Variants in CREBRF observed in about 807,000 individuals in gnomAD.
The protein encoded by CREBRF is UPF0474 protein C5orf41.
CREBRF carries 5 observed loss-of-function variants against 66.1 expected under a neutral mutation model. The observed-to-expected ratio is 0.08, with a 90% CI of 0.04 to 0.16. The LOEUF (loss-of-function observed/expected upper bound fraction) is 0.16. CREBRF is among the 10% of genes least tolerant of loss of function. CREBRF has a pLI of 1.00. For synonymous variants in CREBRF, 229 were observed against 264.4 expected, an observed-to-expected ratio of 0.87 and a Z score of 1.30; for missense variants, 531 against 744.9, an observed-to-expected ratio of 0.71 and a Z score of 3.34.
At chr5:173,061,167 T>C (rs931653693) in intron 1 of CREBRF, among the ~76,000 whole-genome samples, 1 of 152,106 alleles carries the variant, frequency 6.6e-6, no homozygotes, top group African/African-American at 2.4e-5. Flanking sequence ...GGGGTTTCAC[T>C]GTGTTGGCCA....
chr5:173,098,878 CTTT>C (rs543027649), intron 4 of CREBRF, among the ~76,000 whole-genome samples: 4 of 136,796 alleles, frequency 2.9e-5, no homozygotes, highest in Admixed American at 7.4e-5. Flanking sequence ...TATTTTTTTA[CTTT>C]TTTTTTTTTT....
Position 173,133,617 on chromosome 5 carries a change from T to C in CREBRF, c.1805-13T>C. The C allele has an allele frequency of 1.3e-6, 2 of 1,518,314 alleles. No homozygotes were observed. Among genetic ancestry groups the C allele is most frequent in the Non-Finnish European group, 1.8e-6 (2 of 1,096,812 alleles). 94.1% of individuals were successfully genotyped at this position (1,518,314 alleles called of 1,614,324 possible). ...TTTTTGTGTCTAGATGTGCCTTTTA[T>C]TCTTCTCTTCAGGTCTACCAGTTGC... is the stretch of plus-strand genomic sequence containing the variant. On this transcript the variant is annotated splice_polypyrimidine_tract_variant and intron_variant, in intron 8 of 8. Coordinates refer to ENST00000296953, the MANE Select transcript of CREBRF (RefSeq NM_153607.3).
intron 4 of CREBRF, among the ~76,000 whole-genome samples, chr5:173,099,549 T>C (rs981258357): frequency 1.3e-5 from 2 of 152,242 alleles, no homozygotes; most frequent in Non-Finnish European, 2.9e-5. Context: ...ATCATTTTAC[T>C]GGGTATTGAT....
intron 1 of CREBRF, among the ~76,000 whole-genome samples, chr5:173,056,893 C>CGGGAG (rs1224608700): frequency 2.0e-5 from 2 of 101,268 alleles, no homozygotes; most frequent in East Asian, 3.1e-4. Flanking sequence ...GGGAGGGGCC[C>CGGGAG]GGGAGGGGAG....
At chr5:173,069,029 GCCACTGCACTC>G (rs1302037065) in intron 1 of CREBRF, among the ~76,000 whole-genome samples, 1 of 151,516 alleles carries the variant, frequency 6.6e-6, no homozygotes. Context: ...CTGAGATCAC[GCCACTGCACTC>G]CAGCCTGGGC....
intron 4 of CREBRF, among the ~76,000 whole-genome samples, chr5:173,096,482 G>C (rs1250293779): frequency 1.1e-5 from 1 of 89,206 alleles, no homozygotes; most frequent in Admixed American, 1.8e-4. Context: ...TCCCCTTTCT[G>C]TGTCCAGTCC....
chr5:173,076,326 T>A (rs2246090), intron 1 of CREBRF, among the ~76,000 whole-genome samples: 73,635 of 151,672 alleles, frequency 0.49, 18,973 homozygotes, highest in Non-Finnish European at 0.58. Flanking sequence ...TAGGATGGCA[T>A]TTAAATTTCA....
At chr5:173,132,983 A>T (rs1759511500) in intron 8 of CREBRF, among the ~76,000 whole-genome samples, 1 of 152,132 alleles carries the variant, frequency 6.6e-6, no homozygotes, top group Non-Finnish European at 1.5e-5. Flanking sequence ...TAATACTTAA[A>T]AAAATGTACT....
At position 173,090,838 on chromosome 5, in the gene CREBRF, A is replaced by T. The variant is rs115690642; in HGVS notation, c.659A>T (p.Tyr220Phe). 1.4e-5 allele frequency: 22 copies of T among 1,614,228 alleles called. No homozygotes were observed. The East Asian group carries it at 3.8e-4, about 28-fold the overall frequency. The change falls in exon 4 of 9, where the codon TAT (tyrosine) becomes TTT (phenylalanine). Residue 220 changes from tyrosine to phenylalanine, a missense_variant. Transcript: ENST00000296953. This position sits in a 1 kb window ranked among gnomAD's most constrained non-coding sequence, Gnocchi z 4.5. Reference protein sequence around the residue: ...STQIMVKTNMYHNEKVNFHVE... With the variant: ...STQIMVKTNMFHNEKVNFHVE... Reference sequence around the variant, plus strand: ...CAAATCATGGTGAAGACCAACATGTATCATAATGAAAAGGTGAACTTTCAT... The same window carrying T: ...CAAATCATGGTGAAGACCAACATGTTTCATAATGAAAAGGTGAACTTTCAT...
In CREBRF at chr5:173,138,417, C is replaced by G. The variant is rs1189354746; in HGVS notation, c.*4672C>G. On this transcript the variant is annotated 3_prime_UTR_variant, in exon 9 of 9. Coordinates refer to ENST00000296953, the MANE Select transcript of CREBRF (RefSeq NM_153607.3). ...TCATGCTTAATAAACTGACTGAAAT[C>G]GTAGAAATTACACCTAGGAACTGAG... The G allele has an allele frequency of 6.6e-6, 1 of 152,080 alleles. No individual in the cohort carries two copies. Among genetic ancestry groups the G allele is most frequent in the Non-Finnish European group, 1.5e-5 (1 of 68,002 alleles). The allele number at this position is 152,080 out of a possible 1,614,324, so 9.4% of individuals were successfully genotyped here.
chr5:173,104,289 C>G (rs1241203951), intron 4 of CREBRF, among the ~76,000 whole-genome samples: 1 of 152,106 alleles, frequency 6.6e-6, no homozygotes, highest in Non-Finnish European at 1.5e-5. Flanking sequence ...TCTTCAGAAT[C>G]TAGTTTGAGA....
chr5:173,092,981 A>G (rs1758387573), intron 4 of CREBRF, among the ~76,000 whole-genome samples: 1 of 152,220 alleles, frequency 6.6e-6, no homozygotes, highest in African/African-American at 2.4e-5. Flanking sequence ...ATCTGCTTTG[A>G]GATATTTCAA....
chr5:173,131,754 A>G (rs1395816099), intron 8 of CREBRF, among the ~76,000 whole-genome samples: 1 of 151,882 alleles, frequency 6.6e-6, no homozygotes, highest in Non-Finnish European at 1.5e-5. Context: ...GTTTTTGGAG[A>G]CGGAGTCTTG....
intron 1 of CREBRF, among the ~76,000 whole-genome samples, chr5:173,060,622 C>T (rs1386155805): frequency 6.6e-6 from 1 of 152,038 alleles, no homozygotes; most frequent in Non-Finnish European, 1.5e-5. Context: ...CTGACACTTT[C>T]ACCATATTCA....
At chr5:173,127,951 T>G (rs1223382176) in intron 8 of CREBRF, among the ~76,000 whole-genome samples, 1 of 152,184 alleles carries the variant, frequency 6.6e-6, no homozygotes, top group Non-Finnish European at 1.5e-5. Flanking sequence ...ATTTATTATT[T>G]TGTGTCTGTT....
At position 173,139,257 on chromosome 5, in the gene CREBRF, T is replaced by C. The variant is rs1433709280; in HGVS notation, c.*5512T>C. ...TCAGTGTATGCAACATCCTTTGTAA[T>C]TTAAAATAAAAAAAGATGAAAAGAA... On this transcript the variant is annotated 3_prime_UTR_variant, in exon 9 of 9. Coordinates refer to ENST00000296953, the MANE Select transcript of CREBRF (RefSeq NM_153607.3). 1.3e-5 allele frequency: 2 copies of C among 152,206 alleles called. No individual in the cohort carries two copies. Among genetic ancestry groups the C allele is most frequent in the Non-Finnish European group, 2.9e-5 (2 of 68,038 alleles). 9.4% of individuals were successfully genotyped at this position (152,206 alleles called of 1,614,324 possible).
intron 8 of CREBRF, chr5:173,124,031 G>A (rs547585654): frequency 6.6e-6 from 1 of 151,826 alleles, no homozygotes; most frequent in African/African-American, 2.4e-5. Flanking sequence ...ATTTTTAAAA[G>A]CATTTTTATT....
At chr5:173,086,981 C>T (rs1325923737) in intron 3 of CREBRF, among the ~76,000 whole-genome samples, 2 of 144,886 alleles carry the variant, frequency 1.4e-5, no homozygotes, top group Non-Finnish European at 3.0e-5. Flanking sequence ...GAGTCTGGCT[C>T]TGTTGCCCAG....
At chr5:173,073,153 G>C (rs1757646815) in intron 1 of CREBRF, among the ~76,000 whole-genome samples, 1 of 152,234 alleles carries the variant, frequency 6.6e-6, no homozygotes, top group Non-Finnish European at 1.5e-5. Flanking sequence ...GAGTCTTTTA[G>C]AAATGATCTC....
Sources: allele counts gnomAD v4.1 joint callset (sites outside exome capture counted in the v4.1 genomes callset), GRCh38; gene constraint gnomAD v4.1.1; non-coding constraint Gnocchi (gnomAD v3.1); transcripts MANE v1.5; gene names NCBI Gene and HGNC (gene_info 2026-07-23, HGNC 2026-07-21).